ADAMTS2: variants seen among roughly 807,000 people sequenced by gnomAD.
ADAMTS2 encodes ADAM metallopeptidase with thrombospondin type 1 motif 2.
A neutral mutation model predicts 123.0 loss-of-function variants in ADAMTS2; 50 were observed. The ratio of observed to expected loss-of-function variants is 0.41; its 90% CI spans 0.32 to 0.51. The LOEUF (loss-of-function observed/expected upper bound fraction) is 0.51. ADAMTS2 is among the 20% of genes least tolerant of loss of function. ADAMTS2 has a pLI of 0.35. For missense variants in ADAMTS2, 1,494 were observed against 1,705.2 expected (o/e 0.88, Z 2.18); for synonymous variants, 678 against 695.4 (o/e 0.98, Z 0.39).
intron 10 of ADAMTS2, among the ~76,000 whole-genome samples, chr5:179,146,967 A>G (rs1159994654): frequency 1.3e-5 from 2 of 152,246 alleles, no homozygotes; most frequent in Non-Finnish European, 2.9e-5. Context: ...TTCAGACGTA[A>G]CCAACATTTC....
intron 3 of ADAMTS2, among the ~76,000 whole-genome samples, chr5:179,251,621 A>T (rs189748134): frequency 1.3e-4 from 20 of 152,310 alleles, no homozygotes; most frequent in Admixed American, 1.0e-3. Context: ...TTTGGAAAAC[A>T]GTCTTGGTGT....
Position 179,181,237 on chromosome 5 carries a change from G to A in ADAMTS2, c.892-82C>T. On this transcript the variant is annotated intron_variant, in intron 4 of 21. Coordinates refer to ENST00000251582, the MANE Select transcript of ADAMTS2 (RefSeq NM_014244.5). This position sits in a 1 kb window ranked among gnomAD's most constrained non-coding sequence, Gnocchi z 4.1. ...TCTGCCAATGGGATGACCCCCACCTGCTCCTTCTTCTTCCCATGCTTTCCA... is the reference window on the plus strand; with the variant it reads ...TCTGCCAATGGGATGACCCCCACCTACTCCTTCTTCTTCCCATGCTTTCCA... The A allele has an allele frequency of 1.0e-6, 1 of 992,942 alleles. No individual in the cohort carries two copies. Among genetic ancestry groups the A allele is most frequent in the Non-Finnish European group, 1.6e-6 (1 of 621,062 alleles). The allele number at this position is 992,942 out of a possible 1,614,324, so 61.5% of individuals were successfully genotyped here.
In ADAMTS2 at chr5:179,322,703, C is replaced by G. The variant is rs555737876; in HGVS notation, c.534+21064G>C. ...CACTAGACGAGGGCCTCGGCAGCTC[C>G]GCAGGCAGGTGGGGCCCAGGCCAGG... On this transcript the variant is annotated intron_variant, in intron 2 of 21. Coordinates refer to ENST00000251582, the MANE Select transcript of ADAMTS2 (RefSeq NM_014244.5). 1.2e-4 allele frequency among the ~76,000 whole-genome samples: 19 copies of G among 152,340 alleles called. No individual in the cohort carries two copies. The East Asian group carries it at 3.3e-3, about 26-fold the overall frequency.
At chr5:179,154,451 C>CCCTG (rs1172593856) in intron 7 of ADAMTS2, among the ~76,000 whole-genome samples, 1 of 152,182 alleles carries the variant, frequency 6.6e-6, no homozygotes, top group Non-Finnish European at 1.5e-5. Flanking sequence ...ACCGTGGCTT[C>CCCTG]CCTGCCTCCA....
chr5:179,207,731 A>G lies in ADAMTS2; in HGVS notation c.689-16T>C, dbSNP rs1235708047. The G allele has an allele frequency of 6.2e-7, 1 of 1,607,746 alleles. No individual in the cohort carries two copies. The highest frequency in any genetic ancestry group is 8.5e-7 in the Non-Finnish European group (1 of 1,179,750). On this transcript the variant is annotated splice_polypyrimidine_tract_variant and intron_variant, in intron 3 of 21. Coordinates refer to ENST00000251582, the MANE Select transcript of ADAMTS2 (RefSeq NM_014244.5). ...AGGGAGGCCCCTGCAAGGAGAGGAC[A>G]CCGTCTTCAGCGGCAGGGCAAACCC...
At chr5:179,205,751 T>TTTATTATTATTATTA (rs1436404552) in intron 4 of ADAMTS2, among the ~76,000 whole-genome samples, 15 of 85,276 alleles carry the variant, frequency 1.8e-4, no homozygotes, top group Non-Finnish European at 2.5e-4. Flanking sequence ...CCATTATGGT[T>TTTATTATTATTATTA]TTATTGTTAT....
chr5:179,233,602 C>T (rs1324539535), intron 3 of ADAMTS2, among the ~76,000 whole-genome samples: 3 of 152,186 alleles, frequency 2.0e-5, no homozygotes, highest in Non-Finnish European at 4.4e-5. Flanking sequence ...GCAGGAGAAT[C>T]GCTTGAACCC....
Position 179,341,199 on chromosome 5 carries a change from C to T in ADAMTS2, c.534+2568G>A. The stretch of plus-strand genomic sequence containing the variant: ...AGCAGAGGGGGATTTAACAGTAGGA[C>T]AGACACATACGCAGCAACAAAGTCA... On this transcript the variant is annotated intron_variant, in intron 2 of 21. Transcript: ENST00000251582. The T allele has an allele frequency of 1.5e-5, 3 of 204,466 alleles. No homozygotes were observed. The South Asian group carries it at 1.7e-4, about 12-fold the overall frequency. 12.7% of individuals were successfully genotyped at this position (204,466 alleles called of 1,614,324 possible).
rs113578133 is a variant in ADAMTS2, at chr5:179,132,564, C to T, written c.2209+213G>A. Among the ~76,000 whole-genome samples, 1 of 152,052 alleles carries T rather than the reference C, an allele frequency of 6.6e-6. No individual in the cohort carries two copies. The highest frequency in any genetic ancestry group is 6.5e-5 in the Admixed American group (1 of 15,286). On this transcript the variant is annotated intron_variant, in intron 14 of 21. Transcript: ENST00000251582. The surrounding 1 kb of genome is among the most constrained non-coding windows in gnomAD (Gnocchi z 6.1). Reference sequence around the variant, plus strand: ...TCCACTCTAACCCCTGTGACCCCGGCCCCCACTCTCCTCTTCCCCACCCAC... The same window carrying T: ...TCCACTCTAACCCCTGTGACCCCGGTCCCCACTCTCCTCTTCCCCACCCAC...
intron 4 of ADAMTS2, among the ~76,000 whole-genome samples, chr5:179,191,981 C>T (rs1052878632): frequency 6.6e-6 from 1 of 152,184 alleles, no homozygotes; most frequent in Non-Finnish European, 1.5e-5. Context: ...CCCATCAAGG[C>T]ATAGGGCTTG....
chr5:179,323,136 C>A (rs955429182), intron 2 of ADAMTS2, among the ~76,000 whole-genome samples: 2 of 152,248 alleles, frequency 1.3e-5, no homozygotes, highest in Non-Finnish European at 2.9e-5. Flanking sequence ...GCCTGGTGCC[C>A]TCGAGAGGCA....
chr5:179,172,018 C>T (rs983950810), intron 5 of ADAMTS2, among the ~76,000 whole-genome samples: 2 of 152,184 alleles, frequency 1.3e-5, no homozygotes, highest in Non-Finnish European at 2.9e-5. Context: ...CTGGTTCCAT[C>T]TGGAGTTAGC....
chr5:179,332,825 C>T lies in ADAMTS2; in HGVS notation c.534+10942G>A, dbSNP rs938487096. 4.6e-5 allele frequency among the ~76,000 whole-genome samples: 7 copies of T among 152,124 alleles called. No individual in the cohort carries two copies. The highest frequency in any genetic ancestry group is 7.4e-5 in the Non-Finnish European group (5 of 68,002). On this transcript the variant is annotated intron_variant, in intron 2 of 21. Coordinates refer to ENST00000251582, the MANE Select transcript of ADAMTS2 (RefSeq NM_014244.5). This position sits in a 1 kb window ranked among gnomAD's most constrained non-coding sequence, Gnocchi z 4.2. ...GCCTGGGCACCTGCCTGGGAGGGCA[C>T]TGAGGAGCACCAAGGAGGATGCCTA...
intron 3 of ADAMTS2, among the ~76,000 whole-genome samples, chr5:179,215,913 C>T (rs550085750): frequency 6.6e-6 from 1 of 152,308 alleles, no homozygotes. Context: ...GATTGTCCAA[C>T]TGGAATTCTG....
intron 3 of ADAMTS2, among the ~76,000 whole-genome samples, chr5:179,250,678 AGT>A (rs1274954012): frequency 6.6e-6 from 1 of 152,192 alleles, no homozygotes; most frequent in Non-Finnish European, 1.5e-5. Flanking sequence ...CTGGCTGTCC[AGT>A]GTTGTGTAGC....
At position 179,158,794 on chromosome 5, in the gene ADAMTS2, G is replaced by C; in HGVS notation, c.1061C>G (p.Thr354Arg). The C allele has an allele frequency of 6.2e-7, 1 of 1,614,240 alleles. No individual in the cohort carries two copies. ...GTGATCGTGGTATTCATCGTGGCCC[G>C]TGTCTGGCTTCTGCTGGAGGTAGGC... ...RWAYLQQKPD[T>R]GHDEYHDHAI... The change falls in exon 6 of 22, where the codon ACG becomes AGG. Residue 354 changes from threonine (T) to arginine (R), a missense_variant. Physicochemically the swap from Thr to Arg is moderately conservative, Grantham distance 71. Around this residue, in one of 6 missense-constraint regions of ADAMTS2, gnomAD observed 70 missense variants for 85.3 expected, o/e 0.82. Coordinates refer to ENST00000251582, the MANE Select transcript of ADAMTS2 (RefSeq NM_014244.5). This position sits in a 1 kb window ranked among gnomAD's most constrained non-coding sequence, Gnocchi z 5.0.
rs537004484 is a variant in ADAMTS2 at position 179,290,775 on chromosome 5, A to C, written c.535-17711T>G. ...GAGTGGAGGCGCCCACTGCATCCCC[A>C]GTGTCCAGGGAGCAGGTCCTGTAGA... On this transcript the variant is annotated intron_variant, in intron 2 of 21. Coordinates refer to ENST00000251582, the MANE Select transcript of ADAMTS2 (RefSeq NM_014244.5). Among the ~76,000 whole-genome samples the C allele has an allele frequency of 4.6e-5, 7 of 152,284 alleles. No homozygotes were observed. In the East Asian group the frequency reaches 7.7e-4, roughly 17 times the overall value.
At chr5:179,215,340 C>T (rs1006024986) in intron 3 of ADAMTS2, among the ~76,000 whole-genome samples, 9 of 152,078 alleles carry the variant, frequency 5.9e-5, no homozygotes, top group Admixed American at 4.6e-4. Flanking sequence ...CCCAGCTACT[C>T]GGGAGGCTGA....
intron 17 of ADAMTS2, 143 bp downstream of exon 17, chr5:179,127,816 C>T (rs531522458): frequency 2.0e-5 from 22 of 1,126,522 alleles, no homozygotes; most frequent in African/African-American, 1.2e-4. Context: ...CCTCCATTGC[C>T]GCTAAGCCCT....
Sources: gnomAD v4.1 joint callset for allele counts (sites outside exome capture counted in the v4.1 genomes callset) on GRCh38, gnomAD v4.1.1 for gene constraint, gnomAD v4.1.1 regional missense constraint, Gnocchi (gnomAD v3.1) non-coding constraint, MANE v1.5 for transcripts, NCBI Gene and HGNC (gene_info 2026-07-23, HGNC 2026-07-21) for gene names.